Variants in PPIE observed in about 807,000 individuals in gnomAD.
The protein encoded by PPIE is peptidylprolyl isomerase E, also known as peptidyl-prolyl cis-trans isomerase E.
Under a neutral mutation model 38.4 loss-of-function variants are expected in PPIE, and 20 were observed. That is an observed-to-expected ratio of 0.52 (90% CI 0.37 to 0.76). The LOEUF is 0.76. Among genes scored for constraint, PPIE ranks in the 30% least tolerant of loss-of-function variants. The probability of loss-of-function intolerance (pLI) is 0.00; values close to 1 mark genes in which losing one functional copy is unlikely to be tolerated. For missense variants in PPIE, 322 were observed against 385.8 expected (o/e 0.83, Z 1.39); for synonymous variants, 142 against 135.7 (o/e 1.05, Z -0.32).
Position 39,745,426 on chromosome 1 carries a change from A to G in PPIE, c.436A>G (p.Ile146Val), listed in dbSNP as rs1320514727. 6.2e-7 allele frequency: 1 copy of G among 1,614,160 alleles called. No individual in the cohort carries two copies. The highest frequency in any genetic ancestry group is 8.5e-7 in the Non-Finnish European group (1 of 1,180,064). Residue 146 changes from isoleucine to valine, a missense_variant, in exon 7 of 10, where the codon ATC (isoleucine) becomes GTC (valine). Transcript: ENST00000324379. ...CTCAAATCCTCAGGTGTACATGGAC[A>G]TCAAGATTGGGAACAAGCCGGCTGG... ...ARSNPQVYMD[I>V]KIGNKPAGRI...
chr1:39,753,027 G>A lies in PPIE; in HGVS notation c.812G>A (p.Gly271Asp). Residue 271 changes from glycine to aspartate, a missense_variant, in exon 9 of 10, where the codon GGC becomes GAC. Physicochemically the swap from Gly to Asp is moderately conservative, Grantham distance 94. Transcript: ENST00000324379. ...GTGGTGTTTGGAGAGGTCACCGAAG[G>A]CCTAGATGTCTTGCGGCAAATTGAG... The part of the protein sequence containing the change: ...KHVVFGEVTE[G>D]LDVLRQIEAQ... 1.9e-6 allele frequency: 3 copies of A among 1,614,204 alleles called. No individual in the cohort carries two copies. The highest frequency in any genetic ancestry group is 2.5e-6 in the Non-Finnish European group (3 of 1,180,016).
downstream of PPIE, chr1:39,758,869 TC>T (rs1227536323): frequency 1.3e-5 from 2 of 152,206 alleles, no homozygotes; most frequent in Non-Finnish European, 2.9e-5. Flanking sequence ...GGGGCTGCTG[TC>T]CCGCAGTGTG....
intron 6 of PPIE, among the ~76,000 whole-genome samples, chr1:39,744,716 G>T (rs1436750368): frequency 1.3e-5 from 2 of 152,114 alleles, no homozygotes; most frequent in African/African-American, 4.8e-5. Context: ...TGGCTAATTT[G>T]CCACCATTCA....
downstream of PPIE, chr1:39,757,238 A>C (rs1207351710): frequency 6.6e-6 from 1 of 152,270 alleles, no homozygotes; most frequent in Non-Finnish European, 1.5e-5. Flanking sequence ...AAATAAGCAA[A>C]TTCATTTGTA....
At chr1:39,751,058 C>T (rs922287534) in intron 8 of PPIE, among the ~76,000 whole-genome samples, 13 of 152,220 alleles carry the variant, frequency 8.5e-5, no homozygotes, top group African/African-American at 3.1e-4. Flanking sequence ...GGCGTCTGCC[C>T]CTGTACTCAA....
intron 8 of PPIE, among the ~76,000 whole-genome samples, chr1:39,752,391 T>G (rs932976897): frequency 6.6e-6 from 1 of 152,220 alleles, no homozygotes; most frequent in Non-Finnish European, 1.5e-5. Context: ...CCTGTTTCAA[T>G]AAATGACTCC....
intron 5 of PPIE, 136 bp downstream of exon 5, chr1:39,743,433 G>A (rs1647111266): frequency 1.3e-5 from 10 of 751,436 alleles, no homozygotes; most frequent in Admixed American, 2.2e-5. Flanking sequence ...GGTTCACATT[G>A]GGAAGGGCAT....
At chr1:39,741,691 T>C (rs945151283) in intron 3 of PPIE, 17 of 635,868 alleles carry the variant, frequency 2.7e-5, no homozygotes, top group Non-Finnish European at 4.4e-5. Flanking sequence ...TGATTATTTC[T>C]TGTGCCTTCA....
intron 1 of PPIE, 183 bp from the exon 2 acceptor site, chr1:39,739,982 G>A: frequency 1.8e-6 from 1 of 547,476 alleles, no homozygotes. Context: ...GAGTCTGAAA[G>A]AAGGGCGAAG....
rs936063178 is a variant in PPIE, at chr1:39,743,867, G to A, written c.327G>A (p.Thr109=). Reference sequence around the variant, plus strand: ...GGTTGAAGAAGTTTTCTGGGAAGACGCTTGAAGAGAATAAAGAGGAAGAAG... The same window carrying A: ...GGTTGAAGAAGTTTTCTGGGAAGACACTTGAAGAGAATAAAGAGGAAGAAG... ...DDWLKKFSGK[T]LEENKEEEGS... The change falls in exon 6 of 10, where the codon ACG becomes ACA. Residue 109 remains threonine (T), a synonymous_variant. Transcript: ENST00000324379. 3.1e-6 allele frequency: 5 copies of A among 1,613,796 alleles called. No individual in the cohort carries two copies. The highest frequency in any genetic ancestry group is 2.2e-5 in the East Asian group (1 of 44,896).
At position 39,755,707 on chromosome 1, in the gene PPIE, G is replaced by A; in HGVS notation, c.*2352G>A. 1.0e-6 allele frequency: 1 copy of A among 985,420 alleles called. No homozygotes were observed. The highest frequency in any genetic ancestry group is 1.2e-6 in the Non-Finnish European group (1 of 829,932). The allele number at this position is 985,420 out of a possible 1,614,324, so 61.0% of individuals were successfully genotyped here. On this transcript the variant is annotated 3_prime_UTR_variant, in exon 10 of 10. Coordinates refer to ENST00000324379, the MANE Select transcript of PPIE (RefSeq NM_006112.4). ...TGTTCCTCCCTGATACTCTGGGGAG[G>A]TGGAGGCCAGTGGGCAGTTCTGAAA...
intron 9 of PPIE, chr1:39,762,473 G>A: frequency 6.5e-7 from 1 of 1,529,372 alleles, no homozygotes; most frequent in Non-Finnish European, 8.8e-7. Context: ...TCAACAGTGA[G>A]CAGCACCAGT....
Position 39,755,088 on chromosome 1 carries a change from G to A in PPIE, c.*1733G>A, listed in dbSNP as rs1172353073. ...CTCTCCTGTGTGCAGCCACTTCTTG[G>A]AGCTGGCTTCTCTCCACTCCCCCTC... On this transcript the variant is annotated 3_prime_UTR_variant, in exon 10 of 10. Transcript: ENST00000324379. The A allele has an allele frequency of 2.0e-6, 2 of 985,336 alleles. No individual in the cohort carries two copies. The highest frequency in any genetic ancestry group is 1.1e-4 in the East Asian group (1 of 8,836). The allele number at this position is 985,336 out of a possible 1,614,324, so 61.0% of individuals were successfully genotyped here.
intron 8 of PPIE, among the ~76,000 whole-genome samples, chr1:39,749,599 C>T (rs575662447): frequency 6.6e-6 from 1 of 152,268 alleles, no homozygotes; most frequent in Middle Eastern, 3.4e-3. Flanking sequence ...TCATCACCTT[C>T]CCACCTCATC....
At chr1:39,739,859 C>T (rs566838491) in intron 1 of PPIE, among the ~76,000 whole-genome samples, 3 of 152,066 alleles carry the variant, frequency 2.0e-5, no homozygotes, top group East Asian at 3.8e-4. Flanking sequence ...CGAAAAGTTA[C>T]GGGTTCAAAT....
Position 39,738,928 on chromosome 1 carries a change from G to T in PPIE, c.28G>T (p.Val10Leu), listed in dbSNP as rs767579392. The change falls in exon 1 of 10, where the codon GTG becomes TTG. Residue 10 changes from valine (V) to leucine (L), a missense_variant. Coordinates refer to ENST00000324379, the MANE Select transcript of PPIE (RefSeq NM_006112.4). Reference sequence around the variant, plus strand: ...GGCCACCACCAAGCGCGTCTTGTACGTGGGTGAGCAGGAGGGGTTGCTAGG... The same window carrying T: ...GGCCACCACCAAGCGCGTCTTGTACTTGGGTGAGCAGGAGGGGTTGCTAGG... The part of the protein sequence containing the change: MATTKRVLY[V>L]GGLAEEVDDK... 1 of 1,492,152 alleles carries T rather than the reference G, an allele frequency of 6.7e-7. No individual in the cohort carries two copies. Among genetic ancestry groups the T allele is most frequent in the Non-Finnish European group, 8.9e-7 (1 of 1,121,830 alleles). The allele number at this position is 1,492,152 out of a possible 1,614,324, so 92.4% of individuals were successfully genotyped here.
Position 39,754,129 on chromosome 1 carries a change from C to T in PPIE, c.*774C>T. 1 of 930,814 alleles carries T rather than the reference C, an allele frequency of 1.1e-6. No individual in the cohort carries two copies. Among genetic ancestry groups the T allele is most frequent in the Non-Finnish European group, 1.3e-6 (1 of 780,370 alleles). 57.7% of individuals were successfully genotyped at this position (930,814 alleles called of 1,614,324 possible). A position where few individuals can be genotyped will look rare whatever the true frequency, so the allele number is the denominator to read the frequency against. ...ACATGTGCCTAATCCAGCCCACTGCCTGTTTTTATGAATCAGGTTTTATTG... is the reference window on the plus strand; with the variant it reads ...ACATGTGCCTAATCCAGCCCACTGCTTGTTTTTATGAATCAGGTTTTATTG... On this transcript the variant is annotated 3_prime_UTR_variant, in exon 10 of 10. Transcript: ENST00000324379.
At chr1:39,760,704 A>C, downstream of PPIE, 3 of 1,198,810 alleles carry the variant, frequency 2.5e-6, no homozygotes, top group Non-Finnish European at 3.4e-6. Context: ...AATAATAATA[A>C]CTATTAACAG....
At chr1:39,763,495 T>C (rs972928609) in intron 9 of PPIE, among the ~76,000 whole-genome samples, 3 of 145,302 alleles carry the variant, frequency 2.1e-5, no homozygotes, top group Admixed American at 2.0e-4. Context: ...AGTTGGTTGA[T>C]TCAGTCTTCA....
Sources: allele counts gnomAD v4.1 joint callset (sites outside exome capture counted in the v4.1 genomes callset), GRCh38; gene constraint gnomAD v4.1.1; transcripts MANE v1.5; gene names NCBI Gene and HGNC (gene_info 2026-07-23, HGNC 2026-07-21).